The following MAGI2 variants were observed in gnomAD, a reference collection of about 807,000 sequenced individuals.
MAGI2 encodes membrane associated guanylate kinase, WW and PDZ domain containing 2.
A neutral mutation model predicts 133.3 loss-of-function variants in MAGI2; 35 were observed. The ratio of observed to expected loss-of-function variants is 0.26; its 90% CI spans 0.20 to 0.35. MAGI2 has a LOEUF of 0.35. MAGI2 is among the 10% of genes least tolerant of loss of function. MAGI2 has a pLI of 1.00. For missense variants in MAGI2, 1,636 were observed against 1,863.4 expected (o/e 0.88, Z 2.25); for synonymous variants, 729 against 710.6 (o/e 1.03, Z -0.41).
At chr7:78,972,063 G>A (rs1803838440) in intron 2 of MAGI2, among the ~76,000 whole-genome samples, 1 of 151,834 alleles carries the variant, frequency 6.6e-6, no homozygotes, top group Non-Finnish European at 1.5e-5. Context: ...CCTGCAGCAT[G>A]ATCTGCTCAT....
chr7:79,045,652 C>A (rs1295497662), intron 1 of MAGI2, among the ~76,000 whole-genome samples: 2 of 152,108 alleles, frequency 1.3e-5, no homozygotes, highest in Non-Finnish European at 2.9e-5. Flanking sequence ...ATTAGCCGGG[C>A]CTGGTGGCGG....
intron 1 of MAGI2, among the ~76,000 whole-genome samples, chr7:79,220,365 C>T (rs968680688): frequency 2.6e-5 from 4 of 151,890 alleles, no homozygotes; most frequent in African/African-American, 9.7e-5. Flanking sequence ...GGAAGAAAGG[C>T]TGGTAACAGG....
intron 1 of MAGI2, among the ~76,000 whole-genome samples, chr7:79,263,171 A>G (rs1834198982): frequency 6.6e-6 from 1 of 152,212 alleles, no homozygotes; most frequent in African/African-American, 2.4e-5. Flanking sequence ...GTATATGTCA[A>G]TCCCCTATGA....
chr7:79,384,960 CCTT>C (rs1844072590), intron 1 of MAGI2, among the ~76,000 whole-genome samples: 12 of 151,524 alleles, frequency 7.9e-5, no homozygotes, highest in Admixed American at 7.9e-4. Flanking sequence ...TCACTATGTA[CCTT>C]CTTAAAGGTA....
intron 3 of MAGI2, 32 bp downstream of exon 3, chr7:78,627,088 C>T: frequency 6.5e-7 from 1 of 1,547,614 alleles, no homozygotes; most frequent in South Asian, 1.3e-5. Context: ...GTGATGCCAA[C>T]AAGAAAGATT....
At chr7:78,027,781 T>C (rs947482846) in intron 21 of MAGI2, among the ~76,000 whole-genome samples, 5 of 152,196 alleles carry the variant, frequency 3.3e-5, no homozygotes, top group Non-Finnish European at 5.9e-5. Flanking sequence ...ATTGAAAATA[T>C]ATTAGATACT....
At chr7:78,983,926 C>A (rs1805012380) in intron 2 of MAGI2, among the ~76,000 whole-genome samples, 1 of 151,910 alleles carries the variant, frequency 6.6e-6, no homozygotes, top group African/African-American at 2.4e-5. Flanking sequence ...TATCTCCAGC[C>A]TGTACTCTAA....
chr7:78,069,308 T>C (rs953072823), intron 21 of MAGI2, among the ~76,000 whole-genome samples: 2 of 152,178 alleles, frequency 1.3e-5, no homozygotes, highest in African/African-American at 2.4e-5. Flanking sequence ...CCCCAGGATA[T>C]ATTCCCTGAA....
chr7:79,340,618 G>T (rs571086607), intron 1 of MAGI2, among the ~76,000 whole-genome samples: 10 of 152,104 alleles, frequency 6.6e-5, no homozygotes, highest in African/African-American at 2.4e-4. Flanking sequence ...TAGGATTTTG[G>T]TATTAATTGT....
chr7:78,399,598 A>G (rs1305761052), intron 6 of MAGI2, among the ~76,000 whole-genome samples: 2 of 152,148 alleles, frequency 1.3e-5, no homozygotes, highest in Non-Finnish European at 2.9e-5. Flanking sequence ...TGTGGTCAGC[A>G]GTTCCAGACC....
Position 78,704,779 on chromosome 7 carries a change from T to TTTTTTTTTTTCC in MAGI2, c.419-77541_419-77540insGGAAAAAAAAAA, listed in dbSNP as rs1183104072. Among the ~76,000 whole-genome samples, 163 of 114,700 alleles carry TTTTTTTTTTTCC rather than the reference T, an allele frequency of 1.4e-3. 12 individuals are homozygous for TTTTTTTTTTTCC. The highest frequency in any genetic ancestry group is 2.7e-3 in the African/African-American group (71 of 26,230). The allele number at this position is 114,700 out of a possible 152,430, so 75.2% of individuals were successfully genotyped here. A position where few individuals can be genotyped will look rare whatever the true frequency, so the allele number is the denominator to read the frequency against. Reference sequence around the variant, plus strand: ...TGGAAGGAGCAGGAGGCCATTATTCTTTTTTTTTTTTTTTTTTCTGAAACG... The same window carrying TTTTTTTTTTTCC: ...TGGAAGGAGCAGGAGGCCATTATTCTTTTTTTTTTTCCTTTTTTTTTTTTTTTTTCTGAAACG... On this transcript the variant is annotated intron_variant, in intron 2 of 21. Coordinates refer to ENST00000354212, the MANE Select transcript of MAGI2 (RefSeq NM_012301.4).
intron 2 of MAGI2, among the ~76,000 whole-genome samples, chr7:78,971,951 T>C (rs542527438): frequency 6.6e-6 from 1 of 152,078 alleles, no homozygotes; most frequent in East Asian, 1.9e-4. Flanking sequence ...TTAAGAGCCA[T>C]ATAAATATTA....
intron 2 of MAGI2, among the ~76,000 whole-genome samples, chr7:78,989,432 G>A (rs1805552760): frequency 6.6e-6 from 1 of 152,014 alleles, no homozygotes; most frequent in Admixed American, 6.6e-5. Flanking sequence ...CTACAGGGTT[G>A]ATGGAAGACA....
At chr7:79,144,329 G>A (rs1822413985) in intron 1 of MAGI2, among the ~76,000 whole-genome samples, 1 of 152,142 alleles carries the variant, frequency 6.6e-6, no homozygotes, top group Admixed American at 6.5e-5. Context: ...GAGGGGCCTG[G>A]TGGGATCATG....
At chr7:78,631,618 T>C (rs1449152236) in intron 2 of MAGI2, among the ~76,000 whole-genome samples, 1 of 152,184 alleles carries the variant, frequency 6.6e-6, no homozygotes, top group African/African-American at 2.4e-5. Flanking sequence ...ACAACTCTCA[T>C]GGTATGCCAG....
intron 6 of MAGI2, among the ~76,000 whole-genome samples, chr7:78,423,739 T>A (rs1309542988): frequency 6.6e-6 from 1 of 152,120 alleles, no homozygotes; most frequent in African/African-American, 2.4e-5. Context: ...CTTGTTATGT[T>A]TTACCAAAGA....
rs572851365 is a variant in MAGI2 at position 78,455,881 on chromosome 7, C to T, written c.1045+33880G>A. Among the ~76,000 whole-genome samples the T allele has an allele frequency of 3.3e-5, 5 of 152,088 alleles. No homozygotes were observed. The East Asian group carries it at 9.7e-4, about 29-fold the overall frequency. On this transcript the variant is annotated intron_variant, in intron 6 of 21. Coordinates refer to ENST00000354212, the MANE Select transcript of MAGI2 (RefSeq NM_012301.4). ...TGTTTACAAAAGCTACCCACATTTG[C>T]CCTTTTAGGAATCAGTAATACCCTA... is the stretch of plus-strand genomic sequence containing the variant.
chr7:78,655,166 C>T (rs1055980359), intron 2 of MAGI2, among the ~76,000 whole-genome samples: 1 of 151,800 alleles, frequency 6.6e-6, no homozygotes, highest in African/African-American at 2.4e-5. Flanking sequence ...AAATGCCATT[C>T]AGGCAGAAAA....
chr7:78,401,860 G>A (rs1178522254), intron 6 of MAGI2, among the ~76,000 whole-genome samples: 2 of 152,106 alleles, frequency 1.3e-5, no homozygotes, highest in Non-Finnish European at 2.9e-5. Context: ...TGGAGTATGA[G>A]TAAGCAGTTA....
Sources: allele counts gnomAD v4.1 joint callset (sites outside exome capture counted in the v4.1 genomes callset), GRCh38; gene constraint gnomAD v4.1.1; transcripts MANE v1.5; gene names NCBI Gene and HGNC (gene_info 2026-07-23, HGNC 2026-07-21).